SMARCAD1: variants seen among roughly 807,000 people sequenced by gnomAD.
The protein encoded by SMARCAD1 is SWI/SNF-related matrix-associated actin-dependent regulator of chromatin subfamily A containing DEAD/H box 1.
Under a neutral mutation model 127.1 loss-of-function variants are expected in SMARCAD1, and 25 were observed. That is an observed-to-expected ratio of 0.20 (90% CI 0.14 to 0.27). SMARCAD1 has a LOEUF of 0.27. Among genes scored for constraint, SMARCAD1 ranks in the 10% least tolerant of loss-of-function variants. SMARCAD1 has a pLI of 1.00. For synonymous variants in SMARCAD1, 400 were observed against 396.9 expected, an observed-to-expected ratio of 1.01 and a Z score of -0.09; for missense variants, 807 against 1,206.0, an observed-to-expected ratio of 0.67 and a Z score of 4.90.
intron 6 of SMARCAD1, among the ~76,000 whole-genome samples, chr4:94,247,626 C>T (rs1467317316): frequency 6.6e-6 from 1 of 152,098 alleles, no homozygotes; most frequent in Non-Finnish European, 1.5e-5. Flanking sequence ...CTGTCTAGTT[C>T]CAAACGCTGT....
In SMARCAD1 at chr4:94,234,076, C is replaced by T; in HGVS notation, c.491C>T (p.Thr164Ile). 6.2e-7 allele frequency: 1 copy of T among 1,613,142 alleles called. No individual in the cohort carries two copies. Among genetic ancestry groups the T allele is most frequent in the Non-Finnish European group, 8.5e-7 (1 of 1,179,522 alleles). ...GACCTTAAAGATGCTAAACTTCAGA[C>T]TTTGAAGGAACTTTTTCCACAAAGA... ...LEDLKDAKLQTLKELFPQRSD... is the reference protein window; with the variant it reads ...LEDLKDAKLQILKELFPQRSD... Residue 164 changes from threonine (T) to isoleucine (I), a missense_variant, in exon 4 of 24, where the codon ACT (threonine) becomes ATT (isoleucine). Physicochemically the swap from Thr to Ile is moderately conservative, Grantham distance 89. This residue lies in a region of SMARCAD1 where 48 missense variants were observed against 90.8 expected (regional missense o/e 0.53). Coordinates refer to ENST00000354268, the MANE Select transcript of SMARCAD1 (RefSeq NM_020159.5).
At position 94,237,018 on chromosome 4, in the gene SMARCAD1, G is replaced by T; in HGVS notation, c.604G>T (p.Gly202Cys). ...AAALLMFGDA[G>C]GGPRKRKLSS... ...TGCCTTGCTGATGTTTGGTGATGCA[G>T]GTATGCTTGACTTAATTTTAAGCCA... is the stretch of plus-strand genomic sequence containing the variant. Residue 202 changes from glycine to cysteine, a missense_variant and splice_region_variant, in exon 5 of 24, where the codon GGT becomes TGT. Around this residue, in one of 8 missense-constraint regions of SMARCAD1, gnomAD observed 48 missense variants for 90.8 expected, o/e 0.53. Coordinates refer to ENST00000354268, the MANE Select transcript of SMARCAD1 (RefSeq NM_020159.5). The T allele has an allele frequency of 6.2e-7, 1 of 1,612,854 alleles. No individual in the cohort carries two copies.
Position 94,234,011 on chromosome 4 carries a change from T to C in SMARCAD1, c.426T>C (p.Asn142=). 6.2e-7 allele frequency: 1 copy of C among 1,613,760 alleles called. No homozygotes were observed. Among genetic ancestry groups the C allele is most frequent in the Non-Finnish European group, 8.5e-7 (1 of 1,179,806 alleles). Residue 142 remains asparagine (N), a synonymous_variant, in exon 4 of 24, where the codon AAT becomes AAC. Transcript: ENST00000354268. Reference sequence around the variant, plus strand: ...GCCTTCCTACCATGGCACGTAGAAATGATGATATTTCAGAACTGGAAGACC... The same window carrying C: ...GCCTTCCTACCATGGCACGTAGAAACGATGATATTTCAGAACTGGAAGACC... The part of the protein sequence containing the change: ...SQGLPTMARR[N]DDISELEDLS...
chr4:94,277,442 C>T (rs568941830), intron 16 of SMARCAD1, among the ~76,000 whole-genome samples: 7 of 152,150 alleles, frequency 4.6e-5, no homozygotes, highest in East Asian at 3.9e-4. Context: ...ATAGTATGTG[C>T]GGAAAGTTTG....
At chr4:94,281,738 T>C (rs576219895) in intron 21 of SMARCAD1, 148 bp downstream of exon 21, 51 of 655,732 alleles carry the variant, frequency 7.8e-5, no homozygotes, top group Non-Finnish European at 1.3e-4. Flanking sequence ...GTAATTTCAA[T>C]GGTCAGGCAT....
rs1408835654 is a variant in SMARCAD1 at position 94,236,856 on chromosome 4, T to A, written c.538-96T>A. 4.2e-6 allele frequency: 4 copies of A among 960,352 alleles called. No homozygotes were observed. In the East Asian group the frequency reaches 7.7e-5, roughly 18 times the overall value. The allele number at this position is 960,352 out of a possible 1,614,324, so 59.5% of individuals were successfully genotyped here. ...CTATGACACACATACTTTCCTGTCA[T>A]GTTTATATTTAATATGTTTGTTCTT... On this transcript the variant is annotated intron_variant, in intron 4 of 23. Transcript: ENST00000354268.
rs117159746 is a variant in SMARCAD1 at position 94,274,624 on chromosome 4, A to C, written c.1673-114A>C. ...GAGCCACCTTGCTGGGCCAGTATTTACTTTTTATAAAAGACTGATTTCTGA... is the reference window on the plus strand; with the variant it reads ...GAGCCACCTTGCTGGGCCAGTATTTCCTTTTTATAAAAGACTGATTTCTGA... On this transcript the variant is annotated intron_variant, in intron 12 of 23. Transcript: ENST00000354268. The C allele has an allele frequency of 3.9e-6, 4 of 1,038,152 alleles. No homozygotes were observed. In the East Asian group the frequency reaches 7.2e-5, roughly 19 times the overall value. The allele number at this position is 1,038,152 out of a possible 1,614,324, so 64.3% of individuals were successfully genotyped here.
intron 2 of SMARCAD1, among the ~76,000 whole-genome samples, chr4:94,210,805 G>A (rs1264216791): frequency 3.3e-5 from 5 of 151,362 alleles, no homozygotes; most frequent in African/African-American, 9.7e-5. Context: ...ATGGTGGAGC[G>A]TGCCTGTAAT....
intron 5 of SMARCAD1, among the ~76,000 whole-genome samples, chr4:94,237,446 G>A (rs931881509): frequency 3.3e-5 from 5 of 150,454 alleles, no homozygotes; most frequent in African/African-American, 9.8e-5. Flanking sequence ...ATATAGAAGC[G>A]TGTCCAGTTT....
intron 10 of SMARCAD1, 94 bp from the exon 11 acceptor site, chr4:94,270,634 C>A: frequency 2.0e-6 from 2 of 1,009,932 alleles, no homozygotes; most frequent in Non-Finnish European, 3.1e-6. Context: ...TAAGATTAGA[C>A]CTAGGCATTT....
chr4:94,276,589 T>A, intron 15 of SMARCAD1, 115 bp downstream of exon 15: 1 of 1,336,390 alleles, frequency 7.5e-7, no homozygotes, highest in South Asian at 1.3e-5. Context: ...TATGTAGTAT[T>A]CTGTGTTAGC....
chr4:94,255,356 T>C (rs1230531393), intron 9 of SMARCAD1, among the ~76,000 whole-genome samples: 2 of 151,986 alleles, frequency 1.3e-5, no homozygotes, highest in Admixed American at 6.6e-5. Flanking sequence ...ATATATACAA[T>C]AGTAATTTTT....
intron 6 of SMARCAD1, among the ~76,000 whole-genome samples, chr4:94,242,191 G>A (rs1282069469): frequency 6.6e-6 from 1 of 150,412 alleles, no homozygotes; most frequent in Non-Finnish European, 1.5e-5. Flanking sequence ...GCAGCACCAC[G>A]CCCAGCTGTT....
At chr4:94,269,726 T>G (rs1752264676) in intron 10 of SMARCAD1, among the ~76,000 whole-genome samples, 1 of 152,104 alleles carries the variant, frequency 6.6e-6, no homozygotes, top group African/African-American at 2.4e-5. Flanking sequence ...TGAAGTGCAA[T>G]GGCATGATCT....
Position 94,285,195 on chromosome 4 carries a change from T to G in SMARCAD1, c.3019+126T>G, listed in dbSNP as rs1434276395. On this transcript the variant is annotated intron_variant, in intron 23 of 23. Transcript: ENST00000354268. Reference sequence around the variant, plus strand: ...TACAGTTTAGGGATGATGTGTGATGTGGGAGAAGGTAAGCATGTTTATTTC... The same window carrying G: ...TACAGTTTAGGGATGATGTGTGATGGGGGAGAAGGTAAGCATGTTTATTTC... The G allele has an allele frequency of 4.8e-6, 3 of 623,184 alleles. No individual in the cohort carries two copies. In the African/African-American group the frequency reaches 5.5e-5, roughly 11 times the overall value. The allele number at this position is 623,184 out of a possible 1,614,324, so 38.6% of individuals were successfully genotyped here.
chr4:94,261,186 G>A (rs187937602), intron 9 of SMARCAD1, among the ~76,000 whole-genome samples: 101 of 151,284 alleles, frequency 6.7e-4, no homozygotes, highest in Admixed American at 1.7e-3. Context: ...GATTCAGTGT[G>A]CTTCAGCTTC....
intron 11 of SMARCAD1, among the ~76,000 whole-genome samples, chr4:94,271,887 T>C (rs1752582553): frequency 3.3e-5 from 5 of 152,244 alleles, no homozygotes; most frequent in Admixed American, 3.3e-4. Flanking sequence ...GTATATATTA[T>C]GTGAAACTAT....
At chr4:94,278,307 C>T in intron 16 of SMARCAD1, 115 bp from the exon 17 acceptor site, 1 of 904,792 alleles carries the variant, frequency 1.1e-6, no homozygotes. Context: ...AATCAAGTTT[C>T]TGCAGAAAAT....
At chr4:94,267,340 T>C (rs925597878) in intron 10 of SMARCAD1, among the ~76,000 whole-genome samples, 7 of 152,178 alleles carry the variant, frequency 4.6e-5, no homozygotes, top group Admixed American at 3.3e-4. Flanking sequence ...CAGACTAATA[T>C]TGTGGTAGTA....
Sources: gnomAD v4.1 joint callset for allele counts (sites outside exome capture counted in the v4.1 genomes callset) on GRCh38, gnomAD v4.1.1 for gene constraint, gnomAD v4.1.1 regional missense constraint, MANE v1.5 for transcripts, NCBI Gene and HGNC (gene_info 2026-07-23, HGNC 2026-07-21) for gene names.